MECOM: variants seen among roughly 807,000 people sequenced by gnomAD.
MECOM encodes MDS1 and EVI1 complex locus.
Under a neutral mutation model 116.3 loss-of-function variants are expected in MECOM, and 13 were observed. That is an observed-to-expected ratio of 0.11 (90% CI 0.07 to 0.18). The LOEUF (loss-of-function observed/expected upper bound fraction) is 0.18, where lower values mean the gene tolerates loss of function less well. Among genes scored for constraint, MECOM ranks in the 10% least tolerant of loss-of-function variants. The pLI, the probability that MECOM is intolerant of heterozygous loss-of-function variation, is 1.00. For synonymous variants in MECOM, 528 were observed against 535.2 expected (o/e 0.99, Z 0.19); for missense variants, 1,299 against 1,509.0 (o/e 0.86, Z 2.31).
chr3:169,316,549 T>C (rs751944891), intron 2 of MECOM, among the ~76,000 whole-genome samples: 1 of 152,074 alleles, frequency 6.6e-6, no homozygotes, highest in Non-Finnish European at 1.5e-5. Context: ...TTTGTCACTT[T>C]AAGAAAATAT....
chr3:169,274,539 C>A (rs1481204759), intron 2 of MECOM, among the ~76,000 whole-genome samples: 1 of 152,002 alleles, frequency 6.6e-6, no homozygotes, highest in African/African-American at 2.4e-5. Context: ...AATTCAAATT[C>A]TGGAGGCACA....
At chr3:169,260,269 C>A (rs908584618) in intron 2 of MECOM, among the ~76,000 whole-genome samples, 11 of 152,166 alleles carry the variant, frequency 7.2e-5, no homozygotes, top group African/African-American at 2.4e-4. Context: ...AAAAAATATA[C>A]CCAGTAACCA....
At position 169,322,997 on chromosome 3, in the gene MECOM, T is replaced by TTAAAAAA. The variant is rs1270690613; in HGVS notation, c.375+58189_375+58190insTTTTTTA. ...CCTGCATGACAGAGCAAGACTCCGGTAAAAAAAAAAAAAAAAAAAAAAAAA... is the reference window on the plus strand; with the variant it reads ...CCTGCATGACAGAGCAAGACTCCGGTTAAAAAAAAAAAAAAAAAAAAAAAAAAAAAAA... On this transcript the variant is annotated intron_variant, in intron 2 of 16. Coordinates refer to ENST00000651503, the MANE Select transcript of MECOM (RefSeq NM_004991.4). Among the ~76,000 whole-genome samples, 17 of 56,018 alleles carry TTAAAAAA rather than the reference T, an allele frequency of 3.0e-4. 1 individual carries two copies. Among genetic ancestry groups the TTAAAAAA allele is most frequent in the African/African-American group, 9.8e-4 (14 of 14,234 alleles). The allele number at this position is 56,018 out of a possible 152,430, so 36.7% of individuals were successfully genotyped here. A position where few individuals can be genotyped will look rare whatever the true frequency, so the allele number is the denominator to read the frequency against.
chr3:169,249,824 G>C (rs567724194), intron 2 of MECOM, among the ~76,000 whole-genome samples: 1 of 152,260 alleles, frequency 6.6e-6, no homozygotes, highest in East Asian at 1.9e-4. Flanking sequence ...TACTGGTAAT[G>C]AAACAACAGA....
At chr3:169,347,393 C>T (rs538709327) in intron 2 of MECOM, among the ~76,000 whole-genome samples, 3 of 151,826 alleles carry the variant, frequency 2.0e-5, no homozygotes, top group South Asian at 2.1e-4. Context: ...GATTTTTGTC[C>T]GCATACACAC....
chr3:169,656,254 G>A lies in MECOM; in HGVS notation c.37+7082C>T, dbSNP rs148330913. Among the ~76,000 whole-genome samples, 772 of 152,232 alleles carry A rather than the reference G, an allele frequency of 5.1e-3. 2 individuals are homozygous for A. The highest frequency in any genetic ancestry group is 7.9e-3 in the Non-Finnish European group (537 of 68,010). ...CTTGAACAAGGTTTAGGAAATGTTG[G>A]TTCTTTATGTTGTGTAGTTAATGAC... On this transcript the variant is annotated intron_variant, in intron 1 of 16. Transcript: ENST00000651503.
At chr3:169,293,193 A>C (rs534807524) in intron 2 of MECOM, among the ~76,000 whole-genome samples, 4 of 152,310 alleles carry the variant, frequency 2.6e-5, no homozygotes, top group African/African-American at 9.6e-5. Flanking sequence ...TGCTAGTTCC[A>C]GCCACCATCA....
chr3:169,336,711 T>C (rs1723637477), intron 2 of MECOM, among the ~76,000 whole-genome samples: 1 of 152,142 alleles, frequency 6.6e-6, no homozygotes, highest in South Asian at 2.1e-4. Context: ...AGAATGAACT[T>C]TGACTCATTT....
intron 8 of MECOM, among the ~76,000 whole-genome samples, chr3:169,113,604 T>C (rs1401919649): frequency 6.6e-6 from 1 of 151,918 alleles, no homozygotes; most frequent in Admixed American, 6.6e-5. Context: ...CCTTCTGCTT[T>C]AGAAATGTTT....
At chr3:169,661,767 G>A (rs968099956) in intron 1 of MECOM, among the ~76,000 whole-genome samples, 3 of 152,236 alleles carry the variant, frequency 2.0e-5, no homozygotes, top group Non-Finnish European at 4.4e-5. Context: ...GATACCTACC[G>A]TATTTGGTTC....
chr3:169,647,296 T>C (rs537221025), intron 1 of MECOM, among the ~76,000 whole-genome samples: 5 of 152,310 alleles, frequency 3.3e-5, no homozygotes, highest in Non-Finnish European at 5.9e-5. Context: ...AATAATATCA[T>C]CCACCTCATA....
chr3:169,389,462 A>C lies in MECOM; in HGVS notation c.38-7938T>G, dbSNP rs762825412. 5.0e-4 allele frequency: 317 copies of C among 635,706 alleles called. 1 individual carries two copies. Among genetic ancestry groups the C allele is most frequent in the Non-Finnish European group, 6.0e-4 (306 of 510,712 alleles). 39.4% of individuals were successfully genotyped at this position (635,706 alleles called of 1,614,324 possible). On this transcript the variant is annotated intron_variant, in intron 1 of 16. Transcript: ENST00000651503. ...ATGACCAGGTAAGAACAGACTTATC[A>C]CATATCAGATAGATAGTTTTTCTTT... is the stretch of plus-strand genomic sequence containing the variant.
intron 2 of MECOM, among the ~76,000 whole-genome samples, chr3:169,329,240 A>C (rs1453961463): frequency 1.3e-5 from 2 of 152,228 alleles, no homozygotes; most frequent in East Asian, 3.8e-4. Context: ...ACAATGCTAC[A>C]TTCTAATGAT....
At chr3:169,340,930 C>T (rs1476938913) in intron 2 of MECOM, among the ~76,000 whole-genome samples, 2 of 152,040 alleles carry the variant, frequency 1.3e-5, no homozygotes, top group Non-Finnish European at 2.9e-5. Context: ...ATGAGACAAG[C>T]AGGTGGAACA....
At chr3:169,294,707 T>C (rs917087976) in intron 2 of MECOM, among the ~76,000 whole-genome samples, 5 of 152,194 alleles carry the variant, frequency 3.3e-5, no homozygotes, top group African/African-American at 1.2e-4. Context: ...TATTGGACAA[T>C]GATGAATCTA....
rs1035923114 is a variant in MECOM at position 169,223,356 on chromosome 3, A to G, written c.376-79524T>C. On this transcript the variant is annotated intron_variant, in intron 2 of 16. Coordinates refer to ENST00000651503, the MANE Select transcript of MECOM (RefSeq NM_004991.4). ...TGTGTCCAAGTGTTCTCATTGTTCA[A>G]TTCCCACCTATGAGTGAGAACATGT... Among the ~76,000 whole-genome samples the G allele has an allele frequency of 4.6e-5, 6 of 131,802 alleles. 1 individual carries two copies. The highest frequency in any genetic ancestry group is 1.5e-4 in the African/African-American group (5 of 34,456). The allele number at this position is 131,802 out of a possible 152,430, so 86.5% of individuals were successfully genotyped here.
chr3:169,093,370 C>G (rs1180631338), intron 13 of MECOM, among the ~76,000 whole-genome samples: 2 of 152,106 alleles, frequency 1.3e-5, no homozygotes, highest in South Asian at 2.1e-4. Flanking sequence ...TTCCTTACCT[C>G]TATTGTGACA....
At chr3:169,349,125 G>T (rs1399725504) in intron 2 of MECOM, among the ~76,000 whole-genome samples, 1 of 149,052 alleles carries the variant, frequency 6.7e-6, no homozygotes, top group Non-Finnish European at 1.5e-5. Flanking sequence ...GACGCATTTG[G>T]TAACAATCAG....
rs1477775151 is a variant in MECOM, at chr3:169,499,076, A to T, written c.38-117552T>A. On this transcript the variant is annotated intron_variant, in intron 1 of 16. Coordinates refer to ENST00000651503, the MANE Select transcript of MECOM (RefSeq NM_004991.4). ...TATTTAAATAAATCAGAGTTAAGAGATATAAAACTATATACATATGAGTAT... is the reference window on the plus strand; with the variant it reads ...TATTTAAATAAATCAGAGTTAAGAGTTATAAAACTATATACATATGAGTAT... 2.0e-5 allele frequency among the ~76,000 whole-genome samples: 3 copies of T among 152,014 alleles called. No individual in the cohort carries two copies. The South Asian group carries it at 6.2e-4, about 32-fold the overall frequency.
Sources: gnomAD v4.1 joint callset for allele counts (sites outside exome capture counted in the v4.1 genomes callset) on GRCh38, gnomAD v4.1.1 for gene constraint, MANE v1.5 for transcripts, NCBI Gene and HGNC (gene_info 2026-07-23, HGNC 2026-07-21) for gene names.